SLC13A1: variants seen among roughly 807,000 people sequenced by gnomAD.
The protein encoded by SLC13A1 is Na(+)/sulfate cotransporter.
Under a neutral mutation model 70.0 loss-of-function variants are expected in SLC13A1, and 65 were observed. That is an observed-to-expected ratio of 0.93 (90% CI 0.76 to 1.14). SLC13A1 has a LOEUF of 1.14. SLC13A1 is among the 50% of genes most tolerant of loss of function. The pLI is 0.00. For synonymous variants in SLC13A1, 275 were observed against 250.5 expected (o/e 1.10, Z -0.92); for missense variants, 726 against 717.8 (o/e 1.01, Z -0.13).
intron 11 of SLC13A1, among the ~76,000 whole-genome samples, chr7:123,123,799 A>G (rs1205366769): frequency 6.6e-6 from 1 of 152,184 alleles, no homozygotes. Flanking sequence ...AAGTGCTTAT[A>G]AAAGGATTAT....
At chr7:123,152,013 CTGAAAGATT>C (rs71161464) in intron 6 of SLC13A1, among the ~76,000 whole-genome samples, 33,005 of 151,760 alleles carry the variant, frequency 0.22, 4,501 homozygotes, top group East Asian at 0.34. Context: ...CCTACAAAAT[CTGAAAGATT>C]TTGTAATCTA....
chr7:123,132,697 A>G (rs753989597), intron 8 of SLC13A1, among the ~76,000 whole-genome samples: 1 of 152,218 alleles, frequency 6.6e-6, no homozygotes, highest in Admixed American at 6.5e-5. Flanking sequence ...GGTGAATAAC[A>G]TGCTGTTTTA....
chr7:123,170,622 T>TTG (rs1795237129), intron 3 of SLC13A1, among the ~76,000 whole-genome samples: 2 of 150,896 alleles, frequency 1.3e-5, no homozygotes, highest in East Asian at 3.9e-4. Flanking sequence ...TTTTGGTTTT[T>TTG]TTTGTTTGTT....
At chr7:123,175,023 C>T (rs1033242457) in intron 2 of SLC13A1, among the ~76,000 whole-genome samples, 2 of 151,946 alleles carry the variant, frequency 1.3e-5, no homozygotes, top group Non-Finnish European at 2.9e-5. Context: ...AATTTCTTCA[C>T]TTATTTATCC....
intron 6 of SLC13A1, among the ~76,000 whole-genome samples, chr7:123,150,615 C>T (rs1585335883): frequency 6.6e-6 from 1 of 152,266 alleles, no homozygotes; most frequent in East Asian, 1.9e-4. Context: ...TTGCTTGTCT[C>T]CTCATTCCAC....
At chr7:123,128,995 A>G (rs757089405) in intron 9 of SLC13A1, 49 bp from the exon 10 acceptor site, 4 of 1,263,456 alleles carry the variant, frequency 3.2e-6, no homozygotes, top group African/African-American at 1.5e-5. Context: ...CAGTCGGGAC[A>G]TTTGTAGAAA....
intron 11 of SLC13A1, among the ~76,000 whole-genome samples, chr7:123,124,288 G>C (rs1177057405): frequency 2.0e-5 from 3 of 152,130 alleles, no homozygotes; most frequent in African/African-American, 7.2e-5. Flanking sequence ...GCCACTGCCA[G>C]ACCTCAGGGC....
chr7:123,164,306 A>T (rs1007933358), intron 6 of SLC13A1, among the ~76,000 whole-genome samples: 1 of 151,992 alleles, frequency 6.6e-6, no homozygotes. Flanking sequence ...TCTACTTACT[A>T]CACACTAAAC....
intron 6 of SLC13A1, among the ~76,000 whole-genome samples, chr7:123,148,953 T>G (rs1228791045): frequency 1.3e-5 from 2 of 152,172 alleles, no homozygotes; most frequent in African/African-American, 2.4e-5. Flanking sequence ...AAAATGGTAT[T>G]AGTACTTTCC....
chr7:123,125,738 CA>C, intron 10 of SLC13A1, 63 bp from the exon 11 acceptor site: 3 of 1,166,776 alleles, frequency 2.6e-6, no homozygotes, highest in Non-Finnish European at 3.8e-6. Context: ...GCTAAAACAC[CA>C]ATTTTGCTAA....
chr7:123,161,949 C>T (rs1216840686), intron 6 of SLC13A1, among the ~76,000 whole-genome samples: 5 of 150,874 alleles, frequency 3.3e-5, no homozygotes, highest in Non-Finnish European at 7.4e-5. Context: ...TATTTAGTCA[C>T]GTTTTATACA....
At chr7:123,148,294 C>G (rs1037355861) in intron 6 of SLC13A1, 2 of 284,194 alleles carry the variant, frequency 7.0e-6, no homozygotes, top group Non-Finnish European at 1.4e-5. Context: ...GACTGAATGA[C>G]TACACTATGT....
intron 11 of SLC13A1, among the ~76,000 whole-genome samples, chr7:123,124,509 A>G (rs1441921038): frequency 1.3e-5 from 2 of 152,238 alleles, no homozygotes; most frequent in African/African-American, 4.8e-5. Context: ...ACACAACTAC[A>G]TAAATCCCAG....
At chr7:123,121,357 T>C (rs950277071) in intron 12 of SLC13A1, among the ~76,000 whole-genome samples, 3 of 152,164 alleles carry the variant, frequency 2.0e-5, no homozygotes, top group African/African-American at 7.2e-5. Context: ...AGCATGTTTC[T>C]TGTTGGCTCT....
At chr7:123,131,676 A>G (rs1161618417) in intron 8 of SLC13A1, among the ~76,000 whole-genome samples, 4 of 152,172 alleles carry the variant, frequency 2.6e-5, no homozygotes, top group African/African-American at 7.2e-5. Context: ...CCGTCTGTCA[A>G]TCTAAAATCT....
chr7:123,165,517 C>T (rs1005987254), intron 6 of SLC13A1, among the ~76,000 whole-genome samples: 2 of 152,052 alleles, frequency 1.3e-5, no homozygotes, highest in Admixed American at 1.3e-4. Context: ...TTTTTTCCCT[C>T]GTCCCCAATG....
At chr7:123,119,367 CTTTTT>C (rs936984519) in intron 12 of SLC13A1, 125 bp from the exon 13 acceptor site, 1 of 747,512 alleles carries the variant, frequency 1.3e-6, no homozygotes, top group African/African-American at 1.8e-5. Flanking sequence ...TTTAATCTCT[CTTTTT>C]TTCTGTGGTT....
intron 14 of SLC13A1, among the ~76,000 whole-genome samples, 158 bp downstream of exon 14, chr7:123,117,313 A>C (rs934461475): frequency 6.6e-6 from 1 of 152,126 alleles, no homozygotes; most frequent in Admixed American, 6.6e-5. Flanking sequence ...ACTCTTAAAA[A>C]CAATTTTGTG....
intron 7 of SLC13A1, among the ~76,000 whole-genome samples, chr7:123,143,028 G>C (rs1794213374): frequency 6.6e-6 from 1 of 152,232 alleles, no homozygotes; most frequent in African/African-American, 2.4e-5. Context: ...TCGTCCTAAA[G>C]CTAGAGCCTG....
Sources: gnomAD v4.1 joint callset for allele counts (sites outside exome capture counted in the v4.1 genomes callset) on GRCh38, gnomAD v4.1.1 for gene constraint, MANE v1.5 for transcripts, NCBI Gene and HGNC (gene_info 2026-07-23, HGNC 2026-07-21) for gene names.